PCDHGA5: variants seen among roughly 807,000 people sequenced by gnomAD.
PCDHGA5 encodes the protein protocadherin gamma-A5.
A neutral mutation model predicts 56.7 loss-of-function variants in PCDHGA5; 36 were observed. The observed-to-expected ratio is 0.64, with a 90% CI of 0.49 to 0.84. The LOEUF is 0.84. Among genes scored for constraint, PCDHGA5 ranks in the 40% least tolerant of loss-of-function variants. The pLI, the probability that PCDHGA5 is intolerant of heterozygous loss-of-function variation, is 0.00. For synonymous variants in PCDHGA5, 563 were observed against 520.2 expected (o/e 1.08, Z -1.12); for missense variants, 1,305 against 1,201.5 (o/e 1.09, Z -1.27).
chr5:141,393,453 G>A lies in PCDHGA5; in HGVS notation c.2421+26702G>A, dbSNP rs373805221. On this transcript the variant is annotated intron_variant, in intron 1 of 3. Coordinates refer to ENST00000518069, the MANE Select transcript of PCDHGA5 (RefSeq NM_018918.3). ...GGCTGCTCACCACCTGGTCCTCACGGCCTCGGATGGCGGCAAGCCGCCTCG... is the reference window on the plus strand; with the variant it reads ...GGCTGCTCACCACCTGGTCCTCACGACCTCGGATGGCGGCAAGCCGCCTCG... 113 of 1,613,920 alleles carry A rather than the reference G, an allele frequency of 7.0e-5. 1 individual carries two copies. The highest frequency in any genetic ancestry group is 8.9e-5 in the Non-Finnish European group (105 of 1,179,908).
chr5:141,463,438 CTTTTTTT>C (rs71576115), intron 1 of PCDHGA5, among the ~76,000 whole-genome samples: 1 of 103,252 alleles, frequency 9.7e-6, no homozygotes, highest in Non-Finnish European at 1.9e-5. Flanking sequence ...TTTCCTTCTC[CTTTTTTT>C]TTTTTTTTTT....
At position 141,489,076 on chromosome 5, in the gene PCDHGA5, C is replaced by T. The variant is rs536134432; in HGVS notation, c.2422-5731C>T. The T allele has an allele frequency of 6.1e-6, 2 of 326,424 alleles. No individual in the cohort carries two copies. Among genetic ancestry groups the T allele is most frequent in the East Asian group, 5.8e-5 (1 of 17,220 alleles). 20.2% of individuals were successfully genotyped at this position (326,424 alleles called of 1,614,324 possible). On this transcript the variant is annotated intron_variant, in intron 1 of 3. Coordinates refer to ENST00000518069, the MANE Select transcript of PCDHGA5 (RefSeq NM_018918.3). The surrounding 1 kb of genome is among the most constrained non-coding windows in gnomAD (Gnocchi z 4.5). The stretch of plus-strand genomic sequence containing the variant: ...CAGCTCCCCTCCCCCCTGCCCACCC[C>T]CGCCACTCGGTGACTAAGAACTGCT...
rs1190624035 is a variant in PCDHGA5, at chr5:141,432,332, T to G, written c.2422-62475T>G. ...GCTGAGCTCCTTCGACTACGAGCAG[T>G]TCCGAGACTTGCAAGTGAAAGTGAT... On this transcript the variant is annotated intron_variant, in intron 1 of 3. Coordinates refer to ENST00000518069, the MANE Select transcript of PCDHGA5 (RefSeq NM_018918.3). The surrounding 1 kb of genome is among the most constrained non-coding windows in gnomAD (Gnocchi z 6.0). The G allele has an allele frequency of 2.5e-6, 4 of 1,614,116 alleles. No homozygotes were observed. In the African/African-American group the frequency reaches 5.3e-5, roughly 22 times the overall value.
intron 1 of PCDHGA5, chr5:141,383,280 T>C (rs1180064294): frequency 6.2e-7 from 1 of 1,613,786 alleles, no homozygotes; most frequent in Non-Finnish European, 8.5e-7. Context: ...TAGATATTAA[T>C]GACAACGTTC....
Position 141,490,798 on chromosome 5 carries a change from C to A in PCDHGA5, c.2422-4009C>A. 2 of 1,613,926 alleles carry A rather than the reference C, an allele frequency of 1.2e-6. No individual in the cohort carries two copies. Among genetic ancestry groups the A allele is most frequent in the South Asian group, 2.2e-5 (2 of 91,074 alleles). ...AGAGGATGGACGGATCTTTGCCCAG[C>A]GTACCTTTGACTATGAATTGCTGCA... On this transcript the variant is annotated intron_variant, in intron 1 of 3. Transcript: ENST00000518069. This position sits in a 1 kb window ranked among gnomAD's most constrained non-coding sequence, Gnocchi z 5.4.
At chr5:141,385,271 TG>T (rs777522853) in intron 1 of PCDHGA5, 313 of 1,614,076 alleles carry the variant, frequency 1.9e-4, no homozygotes, top group Non-Finnish European at 2.4e-4. Flanking sequence ...AATGATTCTT[TG>T]CTAACATCCG....
intron 1 of PCDHGA5, among the ~76,000 whole-genome samples, chr5:141,463,721 C>T (rs1012411825): frequency 1.3e-5 from 2 of 152,046 alleles, no homozygotes; most frequent in Non-Finnish European, 2.9e-5. Flanking sequence ...GCTGGGATTA[C>T]AGGCATGAGC....
At position 141,431,513 on chromosome 5, in the gene PCDHGA5, C is replaced by A. The variant is rs1468442248; in HGVS notation, c.2422-63294C>A. ...TCAGCCCGAGTACCGCGCGAGCGTT[C>A]CGGAGAATCTGGCCTTGGGCACGCA... is the stretch of plus-strand genomic sequence containing the variant. On this transcript the variant is annotated intron_variant, in intron 1 of 3. Transcript: ENST00000518069. The surrounding 1 kb of genome is among the most constrained non-coding windows in gnomAD (Gnocchi z 4.8). 1 of 1,614,022 alleles carries A rather than the reference C, an allele frequency of 6.2e-7. No individual in the cohort carries two copies. The highest frequency in any genetic ancestry group is 1.7e-5 in the Admixed American group (1 of 60,032).
Position 141,476,290 on chromosome 5 carries a change from C to G in PCDHGA5, c.2422-18517C>G, listed in dbSNP as rs768208156. The stretch of plus-strand genomic sequence containing the variant: ...TGGTCGCGAACCTTGGTTTGGATCT[C>G]GGTAGCCTCTCAGCCCGCAGGTTCC... On this transcript the variant is annotated intron_variant, in intron 1 of 3. Coordinates refer to ENST00000518069, the MANE Select transcript of PCDHGA5 (RefSeq NM_018918.3). The surrounding 1 kb of genome is among the most constrained non-coding windows in gnomAD (Gnocchi z 7.6). 1 of 1,614,050 alleles carries G rather than the reference C, an allele frequency of 6.2e-7. No homozygotes were observed. The highest frequency in any genetic ancestry group is 1.7e-5 in the Admixed American group (1 of 60,012).
chr5:141,417,782 C>T (rs2096161767), intron 1 of PCDHGA5: 1 of 1,473,310 alleles, frequency 6.8e-7, no homozygotes, highest in Non-Finnish European at 9.0e-7. Flanking sequence ...CTGTCCTGGG[C>T]CGAATGCTCT....
chr5:141,420,968 T>A (rs1031890748), intron 1 of PCDHGA5: 1 of 441,548 alleles, frequency 2.3e-6, no homozygotes, highest in Non-Finnish European at 4.0e-6. Context: ...GTTGCAATAA[T>A]AAGAATGGGC....
intron 1 of PCDHGA5, chr5:141,403,538 C>T (rs781129314): frequency 1.5e-5 from 24 of 1,613,874 alleles, no homozygotes; most frequent in Non-Finnish European, 1.5e-5. Flanking sequence ...AGAGCTGGTG[C>T]TGGAGCGCGC....
At chr5:141,400,681 T>C in intron 1 of PCDHGA5, 1 of 834,118 alleles carries the variant, frequency 1.2e-6, no homozygotes, top group Non-Finnish European at 1.9e-6. Flanking sequence ...CAGTAAATTG[T>C]GAGTTTTTAT....
At chr5:141,386,790 C>T (rs546308515) in intron 1 of PCDHGA5, among the ~76,000 whole-genome samples, 2 of 152,232 alleles carry the variant, frequency 1.3e-5, no homozygotes, top group South Asian at 4.2e-4. Flanking sequence ...AATCTCCTGA[C>T]CAAAATTTAT....
intron 1 of PCDHGA5, among the ~76,000 whole-genome samples, chr5:141,460,365 A>G (rs887924740): frequency 6.6e-6 from 1 of 152,180 alleles, no homozygotes; most frequent in African/African-American, 2.4e-5. Context: ...TAGAAGTTTT[A>G]TAGTTTTACC....
chr5:141,461,988 T>A (rs771762127), intron 1 of PCDHGA5, among the ~76,000 whole-genome samples: 1 of 152,170 alleles, frequency 6.6e-6, no homozygotes, highest in Non-Finnish European at 1.5e-5. Flanking sequence ...CACGCCAGGC[T>A]AATTTTGTAT....
chr5:141,405,041 G>A (rs1276032851), intron 1 of PCDHGA5: 1 of 1,613,976 alleles, frequency 6.2e-7, no homozygotes, highest in Non-Finnish European at 8.5e-7. Flanking sequence ...CGTTGTGGCT[G>A]TGGCAGTCGT....
rs1160156030 is a variant in PCDHGA5 at position 141,477,238 on chromosome 5, C to T, written c.2422-17569C>T. 20 of 1,614,094 alleles carry T rather than the reference C, an allele frequency of 1.2e-5. No individual in the cohort carries two copies. The highest frequency in any genetic ancestry group is 5.0e-5 in the Admixed American group (3 of 60,006). The stretch of plus-strand genomic sequence containing the variant: ...CTCTGGGGACTGTCATCGCTTTGCT[C>T]AGTGTGACTGACCTGGATGCTGGCG... On this transcript the variant is annotated intron_variant, in intron 1 of 3. Transcript: ENST00000518069. This position sits in a 1 kb window ranked among gnomAD's most constrained non-coding sequence, Gnocchi z 4.9.
At chr5:141,422,330 CTCT>C in intron 1 of PCDHGA5, 1 of 1,548,166 alleles carries the variant, frequency 6.5e-7, no homozygotes, top group East Asian at 2.2e-5. Context: ...ACAGTGATTG[CTCT>C]TCTAAATGTG....
Sources: allele counts gnomAD v4.1 joint callset (sites outside exome capture counted in the v4.1 genomes callset), GRCh38; gene constraint gnomAD v4.1.1; non-coding constraint Gnocchi (gnomAD v3.1); transcripts MANE v1.5; gene names NCBI Gene and HGNC (gene_info 2026-07-23, HGNC 2026-07-21).